PRKCB: variants seen among roughly 807,000 people sequenced by gnomAD.
PRKCB encodes protein kinase C beta type.
Under a neutral mutation model 81.5 loss-of-function variants are expected in PRKCB, and 13 were observed. The observed-to-expected ratio is 0.16, with a 90% CI of 0.10 to 0.25. The LOEUF is 0.25. Ranked by LOEUF, PRKCB falls within the 10% of genes least tolerant of loss-of-function variation. The pLI is 1.00. For missense variants in PRKCB, 509 were observed against 875.7 expected (o/e 0.58, Z 5.29); for synonymous variants, 335 against 321.4 (o/e 1.04, Z -0.45).
chr16:23,981,058 T>C (rs1157337206), intron 2 of PRKCB, among the ~76,000 whole-genome samples: 1 of 152,106 alleles, frequency 6.6e-6, no homozygotes, highest in Non-Finnish European at 1.5e-5. Flanking sequence ...TTATTGCTGC[T>C]GTAACAAATT....
chr16:24,216,434 C>A lies in PRKCB; in HGVS notation c.*1618C>A, dbSNP rs536202910. 1.2e-5 allele frequency: 12 copies of A among 985,434 alleles called. No individual in the cohort carries two copies. In the South Asian group the frequency reaches 5.6e-4, roughly 46 times the overall value. The allele number at this position is 985,434 out of a possible 1,614,324, so 61.0% of individuals were successfully genotyped here. On this transcript the variant is annotated 3_prime_UTR_variant, in exon 17 of 17. Coordinates refer to ENST00000643927, the MANE Select transcript of PRKCB (RefSeq NM_002738.7). ...AGGATTAAGGCAGCAGGTGACTCCCCCTCCTCGCCTGCCGTGTCCTGCTAT... is the reference window on the plus strand; with the variant it reads ...AGGATTAAGGCAGCAGGTGACTCCCACTCCTCGCCTGCCGTGTCCTGCTAT...
At chr16:23,888,779 G>T (rs1963243705) in intron 2 of PRKCB, among the ~76,000 whole-genome samples, 1 of 152,116 alleles carries the variant, frequency 6.6e-6, no homozygotes, top group Non-Finnish European at 1.5e-5. Context: ...ACTGTGCAGG[G>T]ACTGGGTAAC....
At chr16:23,863,080 TTA>T (rs1416938959) in intron 2 of PRKCB, among the ~76,000 whole-genome samples, 2 of 148,304 alleles carry the variant, frequency 1.3e-5, no homozygotes, top group East Asian at 1.9e-4. Flanking sequence ...TATATATGAT[TTA>T]TATATATGAT....
At chr16:23,873,541 C>T (rs930824752) in intron 2 of PRKCB, among the ~76,000 whole-genome samples, 1 of 152,146 alleles carries the variant, frequency 6.6e-6, no homozygotes, top group Non-Finnish European at 1.5e-5. Flanking sequence ...TCTTTCTTGG[C>T]CTGTGTTTGC....
intron 8 of PRKCB, among the ~76,000 whole-genome samples, chr16:24,122,874 G>A (rs1336343464): frequency 6.6e-6 from 1 of 152,124 alleles, no homozygotes; most frequent in African/African-American, 2.4e-5. Context: ...TCATTCCAAA[G>A]CACCTGCTGC....
In PRKCB at chr16:24,038,594, C is replaced by T. The variant is rs532882644; in HGVS notation, c.529+3047C>T. On this transcript the variant is annotated intron_variant, in intron 5 of 16. Transcript: ENST00000643927. Reference sequence around the variant, plus strand: ...TGCCCATACACCATGCTGGGCACAGCCTGTACTCAGCATGGGCTTGTTGAT... The same window carrying T: ...TGCCCATACACCATGCTGGGCACAGTCTGTACTCAGCATGGGCTTGTTGAT... Among the ~76,000 whole-genome samples, 20 of 152,370 alleles carry T rather than the reference C, an allele frequency of 1.3e-4. No homozygotes were observed. In the South Asian group the frequency reaches 3.9e-3, roughly 30 times the overall value.
chr16:23,935,159 G>A (rs761045774), intron 2 of PRKCB, among the ~76,000 whole-genome samples: 3 of 152,114 alleles, frequency 2.0e-5, no homozygotes, highest in Non-Finnish European at 4.4e-5. Context: ...CTGCAGCTTG[G>A]AGTGATCTGG....
Position 23,904,650 on chromosome 16 carries a change from G to A in PRKCB, c.205+67244G>A, listed in dbSNP as rs182044082. Among the ~76,000 whole-genome samples the A allele has an allele frequency of 8.5e-4, 130 of 152,218 alleles. 1 individual carries two copies. Among genetic ancestry groups the A allele is most frequent in the Middle Eastern group, 3.4e-3 (1 of 294 alleles). On this transcript the variant is annotated intron_variant, in intron 2 of 16. Transcript: ENST00000643927. The stretch of plus-strand genomic sequence containing the variant: ...TGCACTCCAGCCTGGGTGACAGAGC[G>A]AGTCTTCATCTCAAAAGAACAACAA...
intron 2 of PRKCB, among the ~76,000 whole-genome samples, chr16:23,875,496 TATATATA>T (rs759596942): frequency 8.3e-6 from 1 of 119,908 alleles, no homozygotes; most frequent in Non-Finnish European, 1.8e-5. Context: ...TATATATATA[TATATATA>T]TATGATGTAT....
intron 2 of PRKCB, among the ~76,000 whole-genome samples, chr16:23,886,893 CCTGA>C (rs1438938706): frequency 6.6e-6 from 1 of 152,136 alleles, no homozygotes; most frequent in African/African-American, 2.4e-5. Context: ...CTAATTTCAG[CCTGA>C]CTTAGTTCTC....
At chr16:24,102,099 G>A (rs990796945) in intron 7 of PRKCB, among the ~76,000 whole-genome samples, 2 of 152,132 alleles carry the variant, frequency 1.3e-5, no homozygotes, top group Admixed American at 6.6e-5. Flanking sequence ...GTAGACAGCT[G>A]GGATTTTATT....
chr16:23,895,236 C>A (rs912798807), intron 2 of PRKCB, among the ~76,000 whole-genome samples: 10 of 151,792 alleles, frequency 6.6e-5, no homozygotes, highest in African/African-American at 2.4e-4. Flanking sequence ...TTGCCATCTG[C>A]AATTCTCTTT....
intron 5 of PRKCB, among the ~76,000 whole-genome samples, chr16:24,038,414 A>G (rs1965651689): frequency 2.0e-5 from 3 of 152,250 alleles, no homozygotes; most frequent in Admixed American, 2.0e-4. Flanking sequence ...GCTTTTCCAA[A>G]TACTTTGATA....
chr16:24,018,247 T>C (rs982425601), intron 3 of PRKCB, among the ~76,000 whole-genome samples: 10 of 152,048 alleles, frequency 6.6e-5, no homozygotes, highest in African/African-American at 2.4e-4. Context: ...GACAAGATAT[T>C]ACTATGTTGT....
intron 3 of PRKCB, 107 bp from the exon 4 acceptor site, chr16:24,032,029 G>A: frequency 1.4e-6 from 1 of 732,636 alleles, no homozygotes; most frequent in Admixed American, 2.3e-5. Context: ...TGACCTCTGG[G>A]GACCAAGTTC....
At position 23,929,634 on chromosome 16, in the gene PRKCB, C is replaced by G. The variant is rs1272920396; in HGVS notation, c.206-58874C>G. 2.0e-5 allele frequency among the ~76,000 whole-genome samples: 3 copies of G among 152,150 alleles called. 1 individual carries two copies. In the East Asian group the frequency reaches 5.8e-4, roughly 29 times the overall value. Reference sequence around the variant, plus strand: ...CACAGAGACGATGGTATTATCTTTACAGCTTGTTCGCTTCTGTATCCTGAG... The same window carrying G: ...CACAGAGACGATGGTATTATCTTTAGAGCTTGTTCGCTTCTGTATCCTGAG... On this transcript the variant is annotated intron_variant, in intron 2 of 16. Transcript: ENST00000643927.
At chr16:24,187,123 C>A (rs539948826) in intron 15 of PRKCB, among the ~76,000 whole-genome samples, 13 of 152,306 alleles carry the variant, frequency 8.5e-5, no homozygotes, top group Admixed American at 4.6e-4. Context: ...TTAATAATTA[C>A]CAGCATATAA....
In PRKCB at chr16:24,215,492, T is replaced by C. The variant is rs1596603815; in HGVS notation, c.*676T>C. 1.0e-6 allele frequency: 1 copy of C among 985,794 alleles called. No individual in the cohort carries two copies. Among genetic ancestry groups the C allele is most frequent in the East Asian group, 1.1e-4 (1 of 8,806 alleles). The allele number at this position is 985,794 out of a possible 1,614,324, so 61.1% of individuals were successfully genotyped here. Reference sequence around the variant, plus strand: ...TGATACTTTATGTCTTTGCTCACCCTCATCCCCAAACTACTTGAAAAGGGC... The same window carrying C: ...TGATACTTTATGTCTTTGCTCACCCCCATCCCCAAACTACTTGAAAAGGGC... On this transcript the variant is annotated 3_prime_UTR_variant, in exon 17 of 17. Coordinates refer to ENST00000643927, the MANE Select transcript of PRKCB (RefSeq NM_002738.7).
At chr16:24,035,377 C>G in intron 4 of PRKCB, 42 bp from the exon 5 acceptor site, 1 of 1,600,524 alleles carries the variant, frequency 6.2e-7, no homozygotes. Context: ...AGCCCCCAGC[C>G]TGGGCCAGCC....
Sources: allele counts gnomAD v4.1 joint callset (sites outside exome capture counted in the v4.1 genomes callset), GRCh38; gene constraint gnomAD v4.1.1; transcripts MANE v1.5; gene names NCBI Gene and HGNC (gene_info 2026-07-23, HGNC 2026-07-21).